The following POU6F2 variants were observed in gnomAD, a reference collection of about 807,000 sequenced individuals.
POU6F2 encodes the protein POU domain, class 6, transcription factor 2.
POU6F2 carries 31 observed loss-of-function variants against 71.3 expected under a neutral mutation model. That is an observed-to-expected ratio of 0.43 (90% CI 0.33 to 0.59). The LOEUF (loss-of-function observed/expected upper bound fraction) is 0.59, where lower values mean the gene tolerates loss of function less well. Among genes scored for constraint, POU6F2 ranks in the 20% least tolerant of loss-of-function variants. The probability of loss-of-function intolerance (pLI) is 0.04; values close to 1 mark genes in which losing one functional copy is unlikely to be tolerated. For missense variants in POU6F2, 783 were observed against 856.8 expected (o/e 0.91, Z 1.07); for synonymous variants, 347 against 355.7 (o/e 0.98, Z 0.27).
In POU6F2 at chr7:39,284,039, C is replaced by A. The variant is rs544287710; in HGVS notation, c.599-55603C>A. On this transcript the variant is annotated intron_variant, in intron 4 of 9. Transcript: ENST00000518318. Reference sequence around the variant, plus strand: ...TTCACTCTCTGCCTCCAAGGCCAAACCTTTCCCCTACACCGTGAACCAAGC... The same window carrying A: ...TTCACTCTCTGCCTCCAAGGCCAAAACTTTCCCCTACACCGTGAACCAAGC... Among the ~76,000 whole-genome samples the A allele has an allele frequency of 7.2e-5, 11 of 152,240 alleles. 1 individual carries two copies. In the South Asian group the frequency reaches 1.7e-3, roughly 23 times the overall value.
At chr7:39,083,711 A>C (rs1409463066) in intron 1 of POU6F2, 1 of 152,184 alleles carries the variant, frequency 6.6e-6, no homozygotes, top group Non-Finnish European at 1.5e-5. Context: ...AGCTGACAAT[A>C]CTGTGAATCG....
chr7:39,378,784 C>T (rs1234132317), intron 5 of POU6F2, among the ~76,000 whole-genome samples: 1 of 152,192 alleles, frequency 6.6e-6, no homozygotes, highest in East Asian at 1.9e-4. Flanking sequence ...TAAATTGTTT[C>T]TGATCATGTG....
At chr7:39,309,014 T>C (rs1562784975) in intron 4 of POU6F2, among the ~76,000 whole-genome samples, 1 of 152,374 alleles carries the variant, frequency 6.6e-6, no homozygotes, top group East Asian at 1.9e-4. Context: ...TGAGGTTTTC[T>C]ACACAGATGT....
intron 1 of POU6F2, among the ~76,000 whole-genome samples, chr7:39,009,565 T>C (rs1327755416): frequency 1.3e-5 from 2 of 152,264 alleles, no homozygotes; most frequent in East Asian, 1.9e-4. Flanking sequence ...CTATGTTGAA[T>C]AGGAGTGGTG....
intron 2 of POU6F2, among the ~76,000 whole-genome samples, chr7:39,164,830 G>A (rs147760831): frequency 2.6e-5 from 4 of 152,140 alleles, no homozygotes; most frequent in East Asian, 1.9e-4. Flanking sequence ...ATTTCTTTAC[G>A]GCAGGCTTTA....
chr7:39,157,487 T>C (rs1399957621), intron 2 of POU6F2, among the ~76,000 whole-genome samples: 1 of 152,114 alleles, frequency 6.6e-6, no homozygotes, highest in African/African-American at 2.4e-5. Context: ...TCTCAGTGAG[T>C]TAAAGAAGAT....
At chr7:39,007,552 T>A (rs12671733) in intron 1 of POU6F2, among the ~76,000 whole-genome samples, 49,980 of 152,106 alleles carry the variant, frequency 0.33, 8,890 homozygotes, top group East Asian at 0.69. Flanking sequence ...ATACTTTAAG[T>A]TTTAGGGTAC....
intron 2 of POU6F2, among the ~76,000 whole-genome samples, chr7:39,184,786 G>A (rs545516376): frequency 6.6e-6 from 1 of 152,068 alleles, no homozygotes; most frequent in Non-Finnish European, 1.5e-5. Context: ...GAGATTTAAT[G>A]GTTTTCTTTT....
At chr7:39,146,907 T>G (rs1292318678) in intron 2 of POU6F2, among the ~76,000 whole-genome samples, 4 of 152,162 alleles carry the variant, frequency 2.6e-5, no homozygotes, top group African/African-American at 9.7e-5. Flanking sequence ...TAAGTAATTT[T>G]ATAGAGAACT....
At chr7:39,045,915 A>G (rs965089750) in intron 1 of POU6F2, among the ~76,000 whole-genome samples, 1 of 151,920 alleles carries the variant, frequency 6.6e-6, no homozygotes, top group Non-Finnish European at 1.5e-5. Flanking sequence ...TGTGGCTATG[A>G]TCAGGCAGAT....
intron 8 of POU6F2, among the ~76,000 whole-genome samples, chr7:39,454,735 G>GAT (rs1465728853): frequency 1.1e-4 from 9 of 82,378 alleles, no homozygotes; most frequent in African/African-American, 2.9e-4. Context: ...TATAAAATAA[G>GAT]ATATATATAT....
rs536058508 is a variant in POU6F2 at position 39,342,061 on chromosome 7, C to T, written c.972+2046C>T. On this transcript the variant is annotated intron_variant, in intron 5 of 9. Coordinates refer to ENST00000518318, the MANE Select transcript of POU6F2 (RefSeq NM_001370959.1). The stretch of plus-strand genomic sequence containing the variant: ...CATTTTTGAAGTTTTAACTTATAAA[C>T]TTAATAAATATGTTTAGAGTACATT... 5.3e-5 allele frequency among the ~76,000 whole-genome samples: 8 copies of T among 152,146 alleles called. No homozygotes were observed. The South Asian group carries it at 6.2e-4, about 12-fold the overall frequency.
At chr7:39,259,261 A>C (rs114418463) in intron 4 of POU6F2, among the ~76,000 whole-genome samples, 1,604 of 152,312 alleles carry the variant, frequency 0.011, 28 homozygotes, top group African/African-American at 0.037. Flanking sequence ...AGAAAAAAAT[A>C]AAACAGTGGG....
In POU6F2 at chr7:39,060,207, CA is replaced by C. The variant is rs879331093; in HGVS notation, c.106-25641del. Among the ~76,000 whole-genome samples the C allele has an allele frequency of 4.5e-3, 582 of 129,146 alleles. 1 individual carries two copies. The highest frequency in any genetic ancestry group is 0.012 in the African/African-American group (437 of 35,016). The allele number at this position is 129,146 out of a possible 152,430, so 84.7% of individuals were successfully genotyped here. A position where few individuals can be genotyped will look rare whatever the true frequency, so the allele number is the denominator to read the frequency against. On this transcript the variant is annotated intron_variant, in intron 1 of 9. Coordinates refer to ENST00000518318, the MANE Select transcript of POU6F2 (RefSeq NM_001370959.1). ...TGGGCAACAGAGCAAAATTCCGTCT[CA>C]AAAAAAAAAAAGAAGCCAAACAGAT...
intron 1 of POU6F2, among the ~76,000 whole-genome samples, chr7:39,015,788 A>ATT (rs1306161392): frequency 3.1e-5 from 3 of 95,698 alleles, no homozygotes; most frequent in African/African-American, 1.3e-4. Flanking sequence ...TATATGGTAT[A>ATT]TTATATATAG....
At chr7:39,202,212 G>A (rs1378814212) in intron 2 of POU6F2, among the ~76,000 whole-genome samples, 1 of 152,222 alleles carries the variant, frequency 6.6e-6, no homozygotes, top group Non-Finnish European at 1.5e-5. Context: ...CACAGTGCCT[G>A]TGTGAGACCA....
At chr7:39,015,664 A>C (rs1297013603) in intron 1 of POU6F2, among the ~76,000 whole-genome samples, 1 of 67,866 alleles carries the variant, frequency 1.5e-5, no homozygotes, top group Non-Finnish European at 2.8e-5. Context: ...TATTATATAT[A>C]GATATATTAT....
rs918422198 is a variant in POU6F2, at chr7:39,466,845, C to T, written c.*2159C>T. The T allele has an allele frequency of 2.0e-5, 3 of 152,338 alleles. No homozygotes were observed. The highest frequency in any genetic ancestry group is 7.2e-5 in the African/African-American group (3 of 41,434). 9.4% of individuals were successfully genotyped at this position (152,338 alleles called of 1,614,324 possible). A position where few individuals can be genotyped will look rare whatever the true frequency, so the allele number is the denominator to read the frequency against. Reference sequence around the variant, plus strand: ...AATGCCAACATCACAGAGCCCCTTTCGCCACCTCAAAAACTGCACAAACAT... The same window carrying T: ...AATGCCAACATCACAGAGCCCCTTTTGCCACCTCAAAAACTGCACAAACAT... On this transcript the variant is annotated 3_prime_UTR_variant, in exon 10 of 10. Coordinates refer to ENST00000518318, the MANE Select transcript of POU6F2 (RefSeq NM_001370959.1).
In POU6F2 at chr7:39,240,928, G is replaced by T. The variant is rs577543839; in HGVS notation, c.598+33308G>T. Among the ~76,000 whole-genome samples the T allele has an allele frequency of 2.0e-5, 3 of 152,120 alleles. No homozygotes were observed. In the South Asian group the frequency reaches 6.2e-4, roughly 32 times the overall value. On this transcript the variant is annotated intron_variant, in intron 4 of 9. Transcript: ENST00000518318. ...AGCATCTTTATTGGCTCATTTATTG[G>T]CATTTTTATTGGCTCAACAGTGTCA...
Sources: gnomAD v4.1 joint callset for allele counts (sites outside exome capture counted in the v4.1 genomes callset) on GRCh38, gnomAD v4.1.1 for gene constraint, MANE v1.5 for transcripts, NCBI Gene and HGNC (gene_info 2026-07-23, HGNC 2026-07-21) for gene names.